The following MYO1B variants were observed in gnomAD, a reference collection of about 807,000 sequenced individuals.
The protein encoded by MYO1B is myosin IB, also known as unconventional myosin-Ib.
In MYO1B, 72 loss-of-function variants were observed where a neutral mutation model predicts 159.7. The observed-to-expected ratio is 0.45, with a 90% CI of 0.37 to 0.55. The LOEUF is 0.55. MYO1B is among the 20% of genes least tolerant of loss of function. The pLI, the probability that MYO1B is intolerant of heterozygous loss-of-function variation, is 0.00. For synonymous variants in MYO1B, 468 were observed against 473.8 expected, an observed-to-expected ratio of 0.99 and a Z score of 0.16; for missense variants, 1,062 against 1,364.8, an observed-to-expected ratio of 0.78 and a Z score of 3.50.
chr2:191,302,944 C>T (rs1008429806), intron 3 of MYO1B, among the ~76,000 whole-genome samples: 2 of 152,136 alleles, frequency 1.3e-5, no homozygotes, highest in East Asian at 3.9e-4. Context: ...TACTTTTGGG[C>T]CAGACTGGTT....
chr2:191,328,628 T>C (rs768705576), intron 3 of MYO1B, among the ~76,000 whole-genome samples: 5 of 152,244 alleles, frequency 3.3e-5, no homozygotes, highest in African/African-American at 4.8e-5. Context: ...TTATCCATCC[T>C]GCACTGAAGC....
chr2:191,332,381 C>T (rs371648643), intron 4 of MYO1B, among the ~76,000 whole-genome samples: 1 of 151,710 alleles, frequency 6.6e-6, no homozygotes, highest in Admixed American at 6.6e-5. Context: ...CAGTAACTTC[C>T]ATTAGGTCAG....
At chr2:191,357,260 G>T (rs1693354037) in intron 7 of MYO1B, among the ~76,000 whole-genome samples, 1 of 152,140 alleles carries the variant, frequency 6.6e-6, no homozygotes, top group African/African-American at 2.4e-5. Flanking sequence ...CCTTGGGGAG[G>T]CTGTCTCTGA....
In MYO1B at chr2:191,393,221, C is replaced by T. The variant is rs753355005; in HGVS notation, c.2225C>T (p.Ala742Val). ...ATTGCCGCCTGGTACAGGAGATATG[C>T]GGTAAGAGTCTCAGTCATTTTAAAT... ...IVIAAWYRRYAQQKRYQQTKS... is the reference protein window; with the variant it reads ...IVIAAWYRRYVQQKRYQQTKS... The change falls in exon 20 of 31, where the codon GCG (alanine) becomes GTG (valine). Residue 742 changes from alanine (A) to valine (V), a missense_variant and splice_region_variant. Ala to Val is a moderately conservative substitution (Grantham distance 64). This residue lies in a region of MYO1B where 609 missense variants were observed against 744.4 expected (regional missense o/e 0.82). Transcript: ENST00000392318. 1.9e-5 allele frequency: 30 copies of T among 1,613,146 alleles called. No individual in the cohort carries two copies. The highest frequency in any genetic ancestry group is 4.4e-5 in the South Asian group (4 of 90,998).
Position 191,400,742 on chromosome 2 carries a change from A to G in MYO1B, c.2383-7A>G, listed in dbSNP as rs1696559693. 2 of 1,613,730 alleles carry G rather than the reference A, an allele frequency of 1.2e-6. No individual in the cohort carries two copies. Among genetic ancestry groups the G allele is most frequent in the East Asian group, 4.5e-5 (2 of 44,886 alleles). On this transcript the variant is annotated splice_region_variant and splice_polypyrimidine_tract_variant and intron_variant, in intron 22 of 30. Coordinates refer to ENST00000392318, the MANE Select transcript of MYO1B (RefSeq NM_001130158.3). ...TTTTCTGTAACTCCTTTTCAAATGCATCACAGGCACGAAGGGAACTGAGAC... is the reference window on the plus strand; with the variant it reads ...TTTTCTGTAACTCCTTTTCAAATGCGTCACAGGCACGAAGGGAACTGAGAC...
chr2:191,423,218 C>T (rs1482156975), intron 30 of MYO1B, among the ~76,000 whole-genome samples: 12 of 152,186 alleles, frequency 7.9e-5, no homozygotes, highest in Admixed American at 3.3e-4. Flanking sequence ...GCCTACTACA[C>T]ACATAGGCTG....
At chr2:191,344,928 A>G (rs1216878030) in intron 5 of MYO1B, among the ~76,000 whole-genome samples, 1 of 152,052 alleles carries the variant, frequency 6.6e-6, no homozygotes, top group Non-Finnish European at 1.5e-5. Flanking sequence ...CGGAGTTAAC[A>G]TAGGTAAGCA....
At chr2:191,313,389 C>A (rs1362489753) in intron 3 of MYO1B, among the ~76,000 whole-genome samples, 6 of 126,522 alleles carry the variant, frequency 4.7e-5, no homozygotes, top group Non-Finnish European at 1.1e-4. Context: ...TTTTTGTCTT[C>A]GTTTTTGTTT....
intron 4 of MYO1B, among the ~76,000 whole-genome samples, chr2:191,332,885 C>T (rs1258071558): frequency 6.6e-6 from 1 of 152,164 alleles, no homozygotes; most frequent in Admixed American, 6.5e-5. Flanking sequence ...TTCAACTAGC[C>T]TCCCATGTCT....
intron 27 of MYO1B, among the ~76,000 whole-genome samples, chr2:191,412,371 C>CG (rs1181096211): frequency 1.1e-4 from 17 of 152,140 alleles, no homozygotes; most frequent in African/African-American, 4.1e-4. Context: ...TTTGAGGAAA[C>CG]AATTTAAAAG....
intron 11 of MYO1B, among the ~76,000 whole-genome samples, chr2:191,367,295 G>A (rs1694072316): frequency 6.6e-6 from 1 of 152,124 alleles, no homozygotes. Flanking sequence ...TGGCAGCCAG[G>A]TGGCAAATTG....
At chr2:191,293,776 G>A (rs1688816864) in intron 2 of MYO1B, among the ~76,000 whole-genome samples, 1 of 152,238 alleles carries the variant, frequency 6.6e-6, no homozygotes. Flanking sequence ...ACCTCATCCT[G>A]TGATGTAGAA....
In MYO1B at chr2:191,402,412, A is replaced by T. The variant is rs1419699045; in HGVS notation, c.2470-220A>T. ...AATGATTACCTTGGGAACCACACAG[A>T]TTGTCCTTCTCTGGAACAGAATCTC... On this transcript the variant is annotated intron_variant, in intron 23 of 30. Transcript: ENST00000392318. The T allele has an allele frequency of 5.4e-6, 3 of 552,548 alleles. No individual in the cohort carries two copies. In the African/African-American group the frequency reaches 5.7e-5, roughly 11 times the overall value. The allele number at this position is 552,548 out of a possible 1,614,324, so 34.2% of individuals were successfully genotyped here. A position where few individuals can be genotyped will look rare whatever the true frequency, so the allele number is the denominator to read the frequency against.
intron 6 of MYO1B, among the ~76,000 whole-genome samples, chr2:191,349,743 T>A (rs1171045023): frequency 2.0e-5 from 3 of 152,354 alleles, no homozygotes; most frequent in Middle Eastern, 6.8e-3. Context: ...ATTCATTTAC[T>A]GATATGTTTC....
intron 30 of MYO1B, among the ~76,000 whole-genome samples, chr2:191,420,867 A>G (rs914085173): frequency 6.6e-6 from 1 of 152,202 alleles, no homozygotes; most frequent in Non-Finnish European, 1.5e-5. Context: ...TCTAACTGGT[A>G]TGAATGCCAT....
chr2:191,404,744 C>T (rs978026205), intron 24 of MYO1B, among the ~76,000 whole-genome samples: 4 of 152,188 alleles, frequency 2.6e-5, no homozygotes, highest in Non-Finnish European at 4.4e-5. Context: ...ATCTAATAGC[C>T]TTATGTCTAA....
At chr2:191,264,584 T>A (rs953473071) in intron 1 of MYO1B, among the ~76,000 whole-genome samples, 1 of 152,130 alleles carries the variant, frequency 6.6e-6, no homozygotes, top group Non-Finnish European at 1.5e-5. Context: ...CATGCTCAAA[T>A]GTGCCTTGAT....
intron 21 of MYO1B, 78 bp from the exon 22 acceptor site, chr2:191,400,304 C>T: frequency 2.0e-6 from 3 of 1,485,506 alleles, no homozygotes; most frequent in South Asian, 2.3e-5. Flanking sequence ...ACGATCATCT[C>T]TTCAGGTTTT....
chr2:191,326,669 A>T (rs905353565), intron 3 of MYO1B, among the ~76,000 whole-genome samples: 2 of 152,040 alleles, frequency 1.3e-5, no homozygotes, highest in Non-Finnish European at 2.9e-5. Context: ...TTCAGCCTGG[A>T]TAGAGAAGAA....
Sources: gnomAD v4.1 joint callset for allele counts (sites outside exome capture counted in the v4.1 genomes callset) on GRCh38, gnomAD v4.1.1 for gene constraint, gnomAD v4.1.1 regional missense constraint, MANE v1.5 for transcripts, NCBI Gene and HGNC (gene_info 2026-07-23, HGNC 2026-07-21) for gene names.